LRRC2: variants seen among roughly 807,000 people sequenced by gnomAD.
The protein encoded by LRRC2 is leucine rich repeat containing 2.
In LRRC2, 27 loss-of-function variants were observed where a neutral mutation model predicts 40.2. That is an observed-to-expected ratio of 0.67 (90% CI 0.49 to 0.93). The LOEUF is 0.93. Ranked by LOEUF, LRRC2 falls within the 40% of genes least tolerant of loss-of-function variation. The pLI is 0.00. For synonymous variants in LRRC2, 147 were observed against 158.9 expected, an observed-to-expected ratio of 0.92 and a Z score of 0.56; for missense variants, 402 against 439.6, an observed-to-expected ratio of 0.91 and a Z score of 0.76.
chr3:46,542,777 C>T (rs1310175635), intron 3 of LRRC2, among the ~76,000 whole-genome samples: 1 of 152,138 alleles, frequency 6.6e-6, no homozygotes, highest in Non-Finnish European at 1.5e-5. Flanking sequence ...CTCCCCTATA[C>T]GAGCAGGGTC....
At chr3:46,560,297 G>T (rs1167271770) in intron 1 of LRRC2, among the ~76,000 whole-genome samples, 3 of 152,226 alleles carry the variant, frequency 2.0e-5, no homozygotes, top group Admixed American at 2.0e-4. Context: ...GTCAGGGACA[G>T]ACACAGGTGC....
chr3:46,560,591 A>C (rs1704915100), intron 1 of LRRC2, among the ~76,000 whole-genome samples: 1 of 152,252 alleles, frequency 6.6e-6, no homozygotes, highest in Non-Finnish European at 1.5e-5. Flanking sequence ...TAGATTCTAC[A>C]AAGCAGCCTA....
rs1438951943 is a variant in LRRC2, at chr3:46,520,111, ATTT to A, written c.1067-1051_1067-1049del. Among the ~76,000 whole-genome samples the A allele has an allele frequency of 4.0e-5, 6 of 149,452 alleles. No individual in the cohort carries two copies. In the South Asian group the frequency reaches 1.3e-3, roughly 31 times the overall value. On this transcript the variant is annotated intron_variant, in intron 8 of 8. Coordinates refer to ENST00000395905, the MANE Select transcript of LRRC2 (RefSeq NM_024512.5). ...AAATTATTTTAAAACAAATTAATTTATTTAAGTAAATAATAACTAATAATATAT... is the reference window on the plus strand; with the variant it reads ...AAATTATTTTAAAACAAATTAATTTAAAGTAAATAATAACTAATAATATAT...
intron 1 of LRRC2, among the ~76,000 whole-genome samples, chr3:46,553,461 T>A (rs925671876): frequency 6.6e-6 from 1 of 152,172 alleles, no homozygotes; most frequent in African/African-American, 2.4e-5. Context: ...CTTTTTCTTT[T>A]TCTTTCAGAC....
intron 4 of LRRC2, among the ~76,000 whole-genome samples, chr3:46,533,799 G>GTTTCTTTCTTTCTTTCTTTCTTTC (rs139748444): frequency 9.9e-5 from 6 of 60,788 alleles, no homozygotes; most frequent in Admixed American, 1.9e-4. Context: ...TTCTTTCTTT[G>GTTTCTTTCTTTCTTTCTTTCTTTC]TTTCTTTCTT....
intron 4 of LRRC2, among the ~76,000 whole-genome samples, chr3:46,537,796 C>G (rs1047931087): frequency 6.6e-6 from 1 of 152,134 alleles, no homozygotes; most frequent in Non-Finnish European, 1.5e-5. Context: ...TCATGGATAC[C>G]GACAGAAGAC....
chr3:46,558,708 G>C (rs1300406792), intron 1 of LRRC2: 1 of 152,224 alleles, frequency 6.6e-6, no homozygotes, highest in Non-Finnish European at 1.5e-5. Context: ...TGGTGTTGTA[G>C]TTACCCTGCT....
At chr3:46,521,065 T>C (rs1216374763) in intron 8 of LRRC2, among the ~76,000 whole-genome samples, 1 of 152,164 alleles carries the variant, frequency 6.6e-6, no homozygotes, top group Non-Finnish European at 1.5e-5. Context: ...ACTAAATGCA[T>C]CTATGCGCAA....
At chr3:46,536,222 G>A (rs1447767538) in intron 4 of LRRC2, among the ~76,000 whole-genome samples, 3 of 152,220 alleles carry the variant, frequency 2.0e-5, no homozygotes, top group Non-Finnish European at 2.9e-5. Flanking sequence ...CGCTTACTGA[G>A]AGGCTTGATT....
intron 2 of LRRC2, 23 bp from the exon 3 acceptor site, chr3:46,545,276 C>T: frequency 6.2e-7 from 1 of 1,607,600 alleles, no homozygotes; most frequent in South Asian, 1.1e-5. Context: ...GCAGGGGTCA[C>T]AGTTACTCTC....
chr3:46,529,142 A>C (rs1704114444), intron 6 of LRRC2, among the ~76,000 whole-genome samples: 1 of 152,040 alleles, frequency 6.6e-6, no homozygotes, highest in Non-Finnish European at 1.5e-5. Flanking sequence ...TGTAGATTCC[A>C]GGATGCCAGA....
At chr3:46,530,952 T>C (rs1219708926) in intron 5 of LRRC2, among the ~76,000 whole-genome samples, 1 of 152,092 alleles carries the variant, frequency 6.6e-6, no homozygotes, top group Non-Finnish European at 1.5e-5. Flanking sequence ...ATCAGACAAA[T>C]TATATTTAAG....
intron 1 of LRRC2, among the ~76,000 whole-genome samples, chr3:46,556,417 G>A (rs1019648532): frequency 4.0e-5 from 6 of 151,856 alleles, no homozygotes; most frequent in South Asian, 2.1e-4. Context: ...ATGAGCCACC[G>A]CACCTGGAAA....
chr3:46,560,477 T>C (rs1704910243), intron 1 of LRRC2, among the ~76,000 whole-genome samples: 1 of 152,232 alleles, frequency 6.6e-6, no homozygotes, highest in Non-Finnish European at 1.5e-5. Context: ...CATCATATGC[T>C]ACCCCAACAC....
At position 46,515,952 on chromosome 3, in the gene LRRC2, C is replaced by CTTTTTTTTTTTT. The variant is rs35530625; in HGVS notation, c.*3050_*3061dup. ...TTTCCTACTCTTTTCATCTCTCTCT[C>CTTTTTTTTTTTT]TTTTTTTTTTTTTTTTTTTTTTTTT... On this transcript the variant is annotated 3_prime_UTR_variant, in exon 9 of 9. Coordinates refer to ENST00000395905, the MANE Select transcript of LRRC2 (RefSeq NM_024512.5). 3 of 117,104 alleles carry CTTTTTTTTTTTT rather than the reference C, an allele frequency of 2.6e-5. No individual in the cohort carries two copies. Among genetic ancestry groups the CTTTTTTTTTTTT allele is most frequent in the African/African-American group, 1.2e-4 (3 of 24,022 alleles). 7.3% of individuals were successfully genotyped at this position (117,104 alleles called of 1,614,324 possible). A position where few individuals can be genotyped will look rare whatever the true frequency, so the allele number is the denominator to read the frequency against.
chr3:46,556,897 A>AT (rs1704813786), intron 1 of LRRC2, among the ~76,000 whole-genome samples: 1 of 151,926 alleles, frequency 6.6e-6, no homozygotes, highest in African/African-American at 2.4e-5. Flanking sequence ...GTTCTTGAAC[A>AT]TTTTTTCTGC....
At chr3:46,543,688 G>A (rs553476903) in intron 3 of LRRC2, among the ~76,000 whole-genome samples, 1 of 151,922 alleles carries the variant, frequency 6.6e-6, no homozygotes, top group East Asian at 1.9e-4. Context: ...TCAAAAGGTA[G>A]ATTGTGAAAC....
intron 2 of LRRC2, among the ~76,000 whole-genome samples, chr3:46,549,406 A>T (rs1347019492): frequency 6.6e-6 from 1 of 152,202 alleles, no homozygotes; most frequent in Non-Finnish European, 1.5e-5. Context: ...CCATTTCTGA[A>T]GAGGCTGAGA....
intron 2 of LRRC2, among the ~76,000 whole-genome samples, chr3:46,550,654 G>T (rs557293276): frequency 9.2e-5 from 14 of 152,190 alleles, no homozygotes; most frequent in Non-Finnish European, 1.6e-4. Flanking sequence ...GTCTCCTAGA[G>T]TGCTGGGATT....
Sources: allele counts gnomAD v4.1 joint callset (sites outside exome capture counted in the v4.1 genomes callset), GRCh38; gene constraint gnomAD v4.1.1; transcripts MANE v1.5; gene names NCBI Gene and HGNC (gene_info 2026-07-23, HGNC 2026-07-21).